The following TOX variants were observed in gnomAD, a reference collection of about 807,000 sequenced individuals.
The protein encoded by TOX is thymocyte selection-associated high mobility group box protein TOX.
Under a neutral mutation model 53.7 loss-of-function variants are expected in TOX, and 11 were observed. That is an observed-to-expected ratio of 0.20 (90% CI 0.13 to 0.34). The LOEUF (loss-of-function observed/expected upper bound fraction) is 0.34. Ranked by LOEUF, TOX falls within the 10% of genes least tolerant of loss-of-function variation. The pLI, the probability that TOX is intolerant of heterozygous loss-of-function variation, is 1.00. For missense variants in TOX, 570 were observed against 664.6 expected, an observed-to-expected ratio of 0.86 and a Z score of 1.56; for synonymous variants, 225 against 245.3, an observed-to-expected ratio of 0.92 and a Z score of 0.77.
chr8:59,096,475 T>C (rs1255480109), intron 1 of TOX, among the ~76,000 whole-genome samples: 1 of 152,204 alleles, frequency 6.6e-6, no homozygotes, highest in Non-Finnish European at 1.5e-5. Context: ...CTGTATTCAA[T>C]AAAATCCAGA....
chr8:58,847,325 TG>T (rs1288722100), intron 4 of TOX, among the ~76,000 whole-genome samples: 2 of 152,006 alleles, frequency 1.3e-5, no homozygotes, highest in Non-Finnish European at 2.9e-5. Flanking sequence ...ATTAAATACA[TG>T]GGTAAAGAGC....
intron 5 of TOX, among the ~76,000 whole-genome samples, chr8:58,837,835 A>G (rs1413336069): frequency 2.0e-5 from 3 of 152,204 alleles, no homozygotes; most frequent in Non-Finnish European, 4.4e-5. Flanking sequence ...GAGATATGTA[A>G]AAGTGCTTCC....
intron 5 of TOX, among the ~76,000 whole-genome samples, chr8:58,836,634 C>T (rs1440004236): frequency 6.6e-6 from 1 of 152,110 alleles, no homozygotes; most frequent in Non-Finnish European, 1.5e-5. Flanking sequence ...TAGAAGACAG[C>T]TTTGACTTAC....
chr8:58,977,324 T>A (rs1222909090), intron 1 of TOX, among the ~76,000 whole-genome samples: 3 of 152,226 alleles, frequency 2.0e-5, no homozygotes, highest in African/African-American at 7.2e-5. Context: ...CTCACTTATC[T>A]CAACCTTTAT....
At chr8:58,894,760 G>A (rs748886630) in intron 3 of TOX, among the ~76,000 whole-genome samples, 1 of 152,142 alleles carries the variant, frequency 6.6e-6, no homozygotes, top group African/African-American at 2.4e-5. Flanking sequence ...GCCAGGCCTG[G>A]TGGCTGGCGC....
chr8:58,982,373 G>C (rs1009757582), intron 1 of TOX, among the ~76,000 whole-genome samples: 2 of 152,082 alleles, frequency 1.3e-5, no homozygotes, highest in African/African-American at 4.8e-5. Flanking sequence ...ATATCTTTTC[G>C]GGGAGGATTA....
rs1223992256 is a variant in TOX at position 58,806,166 on chromosome 8, C to G, written c.*1581G>C. The G allele has an allele frequency of 6.6e-6, 1 of 152,164 alleles. No homozygotes were observed. The highest frequency in any genetic ancestry group is 1.5e-5 in the Non-Finnish European group (1 of 68,030). The allele number at this position is 152,164 out of a possible 1,614,324, so 9.4% of individuals were successfully genotyped here. The stretch of plus-strand genomic sequence containing the variant: ...AGCAAATCTCTGGTACCTTAAGAAT[C>G]CTCTTGGAAGACCCAGGAATTCTGG... On this transcript the variant is annotated 3_prime_UTR_variant, in exon 9 of 9. Coordinates refer to ENST00000361421, the MANE Select transcript of TOX (RefSeq NM_014729.3).
intron 1 of TOX, among the ~76,000 whole-genome samples, chr8:59,007,880 T>A (rs1360390098): frequency 2.6e-5 from 4 of 152,300 alleles, no homozygotes; most frequent in Non-Finnish European, 5.9e-5. Flanking sequence ...AGCCAGAAGG[T>A]AACCAATGAT....
At chr8:58,898,054 A>G (rs368392830) in intron 3 of TOX, among the ~76,000 whole-genome samples, 1 of 152,244 alleles carries the variant, frequency 6.6e-6, no homozygotes, top group Non-Finnish European at 1.5e-5. Context: ...AAATATTTTC[A>G]GGAACCTTTC....
chr8:58,830,646 T>A (rs1810438087), intron 5 of TOX, among the ~76,000 whole-genome samples: 1 of 152,194 alleles, frequency 6.6e-6, no homozygotes, highest in African/African-American at 2.4e-5. Flanking sequence ...ATAAATACCA[T>A]TTAATTCCTT....
intron 1 of TOX, among the ~76,000 whole-genome samples, chr8:59,086,553 A>G (rs536980084): frequency 4.6e-5 from 7 of 152,322 alleles, no homozygotes; most frequent in African/African-American, 1.7e-4. Context: ...GAAGTTAATA[A>G]AGATTCCAGG....
At chr8:58,879,392 T>G (rs961595865) in intron 3 of TOX, among the ~76,000 whole-genome samples, 6 of 152,142 alleles carry the variant, frequency 3.9e-5, no homozygotes, top group African/African-American at 1.4e-4. Context: ...AGTCAGATGT[T>G]CTCCCAACAG....
intron 3 of TOX, among the ~76,000 whole-genome samples, chr8:58,902,769 C>G (rs17231390): frequency 0.31 from 46,794 of 152,100 alleles, 8,261 homozygotes; most frequent in Non-Finnish European, 0.39. Context: ...TTGTTCTTTG[C>G]TTCTTCCTCA....
At chr8:58,850,978 A>C (rs552485909) in intron 4 of TOX, among the ~76,000 whole-genome samples, 1 of 152,302 alleles carries the variant, frequency 6.6e-6, no homozygotes, top group Admixed American at 6.5e-5. Context: ...GGTGACAGAC[A>C]CACAAATAAA....
intron 3 of TOX, among the ~76,000 whole-genome samples, chr8:58,858,510 G>A (rs1348561101): frequency 2.0e-5 from 3 of 152,220 alleles, no homozygotes; most frequent in Non-Finnish European, 4.4e-5. Flanking sequence ...CTGGAACATG[G>A]GTAGCCCTGA....
At chr8:58,920,749 G>GAAAAAAAAAA (rs67652722) in intron 3 of TOX, among the ~76,000 whole-genome samples, 1 of 110,868 alleles carries the variant, frequency 9.0e-6, no homozygotes, top group Non-Finnish European at 1.8e-5. Context: ...AAAAAAAGAA[G>GAAAAAAAAAA]AAAAAAAAAA....
At chr8:58,956,858 C>T (rs1226980028) in intron 2 of TOX, among the ~76,000 whole-genome samples, 2 of 152,228 alleles carry the variant, frequency 1.3e-5, no homozygotes, top group Non-Finnish European at 1.5e-5. Flanking sequence ...AAGTGATTCT[C>T]GGCCTCAGCC....
chr8:58,887,643 T>C (rs1165493483), intron 3 of TOX, among the ~76,000 whole-genome samples: 1 of 152,052 alleles, frequency 6.6e-6, no homozygotes, highest in Non-Finnish European at 1.5e-5. Flanking sequence ...ACCTATTTCA[T>C]TGTATTTTCA....
intron 1 of TOX, among the ~76,000 whole-genome samples, chr8:59,054,887 A>G (rs1803861393): frequency 1.3e-5 from 2 of 151,112 alleles, no homozygotes; most frequent in South Asian, 4.2e-4. Flanking sequence ...AAAAAGAAAG[A>G]AAAAGAGAAA....
Sources: allele counts gnomAD v4.1 joint callset (sites outside exome capture counted in the v4.1 genomes callset), GRCh38; gene constraint gnomAD v4.1.1; transcripts MANE v1.5; gene names NCBI Gene and HGNC (gene_info 2026-07-23, HGNC 2026-07-21).